Variants in KLF12 observed in about 807,000 individuals in gnomAD.
KLF12 encodes the protein KLF transcription factor 12.
A neutral mutation model predicts 37.8 loss-of-function variants in KLF12; 9 were observed. The ratio of observed to expected loss-of-function variants is 0.24; its 90% CI spans 0.14 to 0.42. The LOEUF is 0.42. KLF12 is among the 10% of genes least tolerant of loss of function. The pLI, the probability that KLF12 is intolerant of heterozygous loss-of-function variation, is 1.00. For synonymous variants in KLF12, 208 were observed against 202.1 expected, an observed-to-expected ratio of 1.03 and a Z score of -0.25; for missense variants, 411 against 516.0, an observed-to-expected ratio of 0.80 and a Z score of 1.97.
At chr13:73,883,125 T>G (rs1887059705) in intron 3 of KLF12, among the ~76,000 whole-genome samples, 1 of 152,160 alleles carries the variant, frequency 6.6e-6, no homozygotes, top group African/African-American at 2.4e-5. Context: ...GTCCCCCTCT[T>G]TTTAAAATAC....
chr13:74,116,543 A>T (rs1311406601), intron 1 of KLF12, among the ~76,000 whole-genome samples: 1 of 152,204 alleles, frequency 6.6e-6, no homozygotes, highest in Non-Finnish European at 1.5e-5. Flanking sequence ...GCACATCATG[A>T]ACATTCACTG....
chr13:73,839,096 T>C lies in KLF12; in HGVS notation c.670+6731A>G, dbSNP rs1884596782. On this transcript the variant is annotated intron_variant, in intron 4 of 7. Transcript: ENST00000377669. ...CTTTATTTGGCTATGACATTAACTT[T>C]TTTTTTTTTTTTTTAAGATGGGATT... 2.0e-5 allele frequency among the ~76,000 whole-genome samples: 3 copies of C among 150,804 alleles called. No homozygotes were observed. The South Asian group carries it at 6.3e-4, about 32-fold the overall frequency.
At position 73,962,537 on chromosome 13, in the gene KLF12, C is replaced by T. The variant is rs534874893; in HGVS notation, c.34-18467G>A. Among the ~76,000 whole-genome samples, 4 of 152,278 alleles carry T rather than the reference C, an allele frequency of 2.6e-5. No individual in the cohort carries two copies. The South Asian group carries it at 8.3e-4, about 32-fold the overall frequency. ...TCCATTGTAACAAATGTACCACTGT[C>T]GTGCAGGATGCTGAAATTTTTAAGG... On this transcript the variant is annotated intron_variant, in intron 2 of 7. Transcript: ENST00000377669.
At chr13:74,212,320 T>C in the KLF12 span, among the ~76,000 whole-genome samples, 1 of 152,204 alleles carries the variant, frequency 6.6e-6, no homozygotes, top group Non-Finnish European at 1.5e-5. Context: ...AACTTTTTGG[T>C]GCCAACTTTT....
intron 3 of KLF12, among the ~76,000 whole-genome samples, chr13:73,937,064 C>T (rs1302952374): frequency 6.6e-6 from 1 of 152,132 alleles, no homozygotes; most frequent in Non-Finnish European, 1.5e-5. Context: ...GTGGCATGTA[C>T]TTATAATCCC....
intron 3 of KLF12, among the ~76,000 whole-genome samples, chr13:73,930,713 G>A (rs545507903): frequency 3.8e-4 from 58 of 152,072 alleles, no homozygotes; most frequent in Admixed American, 1.4e-3. Context: ...AGTATATAAC[G>A]GCACAATATC....
At chr13:73,816,504 T>C (rs1883228809) in intron 4 of KLF12, among the ~76,000 whole-genome samples, 2 of 152,228 alleles carry the variant, frequency 1.3e-5, no homozygotes, top group South Asian at 4.1e-4. Context: ...GTGAGTTTCA[T>C]TCCATGTGTC....
intron 5 of KLF12, among the ~76,000 whole-genome samples, chr13:73,772,817 G>A (rs1205329160): frequency 6.6e-6 from 1 of 152,200 alleles, no homozygotes; most frequent in African/African-American, 2.4e-5. Context: ...GAGGCCATGG[G>A]AGGACACCTG....
intron 3 of KLF12, among the ~76,000 whole-genome samples, chr13:73,870,204 A>G (rs1202658213): frequency 6.6e-6 from 1 of 152,212 alleles, no homozygotes; most frequent in Non-Finnish European, 1.5e-5. Context: ...CTTCTTATTC[A>G]GAACATAATC....
At chr13:73,721,876 T>C (rs1241703068) in intron 6 of KLF12, among the ~76,000 whole-genome samples, 1 of 152,156 alleles carries the variant, frequency 6.6e-6, no homozygotes, top group Non-Finnish European at 1.5e-5. Flanking sequence ...AAAGTTGTTA[T>C]AAACTATGTA....
At chr13:74,204,845 G>C in the KLF12 span, among the ~76,000 whole-genome samples, 1 of 152,066 alleles carries the variant, frequency 6.6e-6, no homozygotes, top group Non-Finnish European at 1.5e-5. Flanking sequence ...ATTATACCGA[G>C]GGTTGTATAG....
intron 5 of KLF12, among the ~76,000 whole-genome samples, chr13:73,804,059 C>T (rs1269647904): frequency 6.6e-6 from 1 of 152,082 alleles, no homozygotes; most frequent in African/African-American, 2.4e-5. Context: ...CTTCCTGATC[C>T]AATCCTGACC....
chr13:74,048,412 C>G (rs987586661), intron 1 of KLF12, among the ~76,000 whole-genome samples: 32 of 151,652 alleles, frequency 2.1e-4, no homozygotes, highest in African/African-American at 6.3e-4. Flanking sequence ...AATTGCTGTT[C>G]TCTCAAGGAC....
At chr13:73,953,503 A>C (rs1890715015) in intron 2 of KLF12, among the ~76,000 whole-genome samples, 1 of 152,342 alleles carries the variant, frequency 6.6e-6, no homozygotes, top group East Asian at 1.9e-4. Context: ...CTTTATGAAA[A>C]GTTGTTTGAA....
chr13:73,785,988 T>TCAGAA, intron 5 of KLF12, among the ~76,000 whole-genome samples: 1 of 152,148 alleles, frequency 6.6e-6, no homozygotes, highest in Admixed American at 6.6e-5. Context: ...CAGAGGCCTT[T>TCAGAA]GCAACTAAGC....
chr13:74,073,988 G>A (rs1231515836), intron 1 of KLF12, among the ~76,000 whole-genome samples: 1 of 152,118 alleles, frequency 6.6e-6, no homozygotes, highest in Non-Finnish European at 1.5e-5. Flanking sequence ...AAGCACTGCA[G>A]AAATATACAT....
the KLF12 span, among the ~76,000 whole-genome samples, chr13:74,152,316 C>T: frequency 2.0e-5 from 3 of 152,292 alleles, no homozygotes; most frequent in South Asian, 4.1e-4. Flanking sequence ...TTAGGGTCCA[C>T]ATGAACTTAT....
chr13:74,069,664 C>T (rs1464438999), intron 1 of KLF12, among the ~76,000 whole-genome samples: 1 of 151,996 alleles, frequency 6.6e-6, no homozygotes, highest in African/African-American at 2.4e-5. Context: ...TCTTTTCCAA[C>T]AGTTTAGAAA....
intron 1 of KLF12, among the ~76,000 whole-genome samples, chr13:74,097,303 A>T (rs1343295950): frequency 6.6e-6 from 1 of 152,122 alleles, no homozygotes; most frequent in Non-Finnish European, 1.5e-5. Context: ...ATTTCTACAA[A>T]CATCTGTGCA....
Sources: allele counts gnomAD v4.1 joint callset (sites outside exome capture counted in the v4.1 genomes callset), GRCh38; gene constraint gnomAD v4.1.1; transcripts MANE v1.5; gene names NCBI Gene and HGNC (gene_info 2026-07-23, HGNC 2026-07-21).